TTC39B: variants seen among roughly 807,000 people sequenced by gnomAD.
The protein encoded by TTC39B is tetratricopeptide repeat domain 39B, also known as tetratricopeptide repeat protein 39B.
In TTC39B, 92 loss-of-function variants were observed where a neutral mutation model predicts 96.6. The observed-to-expected ratio is 0.95, with a 90% CI of 0.80 to 1.13. TTC39B has a LOEUF of 1.13. Among genes scored for constraint, TTC39B ranks in the 50% most tolerant of loss-of-function variants. TTC39B has a pLI of 0.00. For synonymous variants in TTC39B, 367 were observed against 299.4 expected, an observed-to-expected ratio of 1.23 and a Z score of -2.33; for missense variants, 955 against 809.3, an observed-to-expected ratio of 1.18 and a Z score of -2.18.
chr9:15,287,703 C>A (rs568957845), intron 1 of TTC39B, among the ~76,000 whole-genome samples: 4 of 152,122 alleles, frequency 2.6e-5, no homozygotes, highest in African/African-American at 9.6e-5. Flanking sequence ...AAAAATGATT[C>A]TTTCTGGCTG....
intron 2 of TTC39B, among the ~76,000 whole-genome samples, chr9:15,235,864 G>C (rs748925840): frequency 6.6e-6 from 1 of 152,102 alleles, no homozygotes; most frequent in Non-Finnish European, 1.5e-5. Context: ...AAAAGAACAC[G>C]TAAGTGCAAA....
chr9:15,217,662 T>C (rs1277952210), intron 3 of TTC39B, among the ~76,000 whole-genome samples: 1 of 152,166 alleles, frequency 6.6e-6, no homozygotes, highest in African/African-American at 2.4e-5. Flanking sequence ...TCACTTCAGA[T>C]CTGAATTCTG....
intron 1 of TTC39B, among the ~76,000 whole-genome samples, chr9:15,270,752 A>T (rs202139719): frequency 3.4e-5 from 1 of 29,520 alleles, no homozygotes; most frequent in Non-Finnish European, 7.3e-5. Flanking sequence ...TTTTTTATTT[A>T]AAAAAAAAAA....
intron 2 of TTC39B, among the ~76,000 whole-genome samples, chr9:15,241,294 TAA>T (rs544903456): frequency 7.0e-6 from 1 of 142,418 alleles, no homozygotes; most frequent in African/African-American, 2.6e-5. Flanking sequence ...AATGCAAGGT[TAA>T]AAAAAAAAAA....
intron 1 of TTC39B, among the ~76,000 whole-genome samples, chr9:15,288,152 T>C (rs1410638189): frequency 1.3e-5 from 2 of 152,120 alleles, no homozygotes; most frequent in Admixed American, 6.5e-5. Context: ...CAATGTTTTC[T>C]ATCAAAGTTG....
intron 8 of TTC39B, among the ~76,000 whole-genome samples, chr9:15,196,939 T>A: frequency 6.6e-6 from 1 of 152,328 alleles, no homozygotes; most frequent in African/African-American, 2.4e-5. Context: ...CCACCCTGAA[T>A]GTCAGCAGCC....
chr9:15,186,134 G>A (rs968453800), intron 15 of TTC39B, among the ~76,000 whole-genome samples: 2 of 152,094 alleles, frequency 1.3e-5, no homozygotes, highest in African/African-American at 4.8e-5. Context: ...AAGAATTCAA[G>A]GCAATACTCA....
At chr9:15,288,813 T>C (rs925789345) in intron 1 of TTC39B, among the ~76,000 whole-genome samples, 9 of 152,246 alleles carry the variant, frequency 5.9e-5, no homozygotes, top group Admixed American at 2.0e-4. Flanking sequence ...CCAGGGGCAC[T>C]TGCCCCAGCT....
chr9:15,193,625 T>C (rs187141624), intron 8 of TTC39B, among the ~76,000 whole-genome samples: 76 of 152,344 alleles, frequency 5.0e-4, no homozygotes, highest in African/African-American at 1.8e-3. Context: ...GTCATTTATT[T>C]TTTATTATGG....
Position 15,225,461 on chromosome 9 carries a change from G to T in TTC39B, c.371+456C>A, listed in dbSNP as rs891978924. ...AAATAATCATAATATAATATTTGAC[G>T]AAAAAATCTATTATGGTTACAACTG... is the stretch of plus-strand genomic sequence containing the variant. On this transcript the variant is annotated intron_variant, in intron 3 of 19. Coordinates refer to ENST00000512701, the Ensembl canonical transcript of TTC39B. Among the ~76,000 whole-genome samples the T allele has an allele frequency of 7.9e-5, 12 of 152,008 alleles. No homozygotes were observed. The East Asian group carries it at 2.3e-3, about 29-fold the overall frequency.
chr9:15,188,083 T>C (rs1354345952), exon 14 of TTC39B: 5 of 1,610,400 alleles, frequency 3.1e-6, no homozygotes, highest in East Asian at 2.2e-5. Flanking sequence ...ATGGTGAAAC[T>C]GTTTCCATTC....
At chr9:15,177,116 TA>T (rs1230540708) in intron 18 of TTC39B, among the ~76,000 whole-genome samples, 2 of 152,202 alleles carry the variant, frequency 1.3e-5, no homozygotes, top group Non-Finnish European at 2.9e-5. Flanking sequence ...CTCTGGCATA[TA>T]GTGGGTGCTC....
exon 20 of TTC39B, chr9:15,166,982 T>TTTTTATATA (rs1387664027): frequency 1.5e-4 from 3 of 20,280 alleles, no homozygotes; most frequent in African/African-American, 1.8e-4. Context: ...AACCTTTATT[T>TTTTTATATA]TATATATATA....
intron 2 of TTC39B, among the ~76,000 whole-genome samples, chr9:15,229,385 C>T (rs572857556): frequency 6.6e-6 from 1 of 152,188 alleles, no homozygotes; most frequent in Non-Finnish European, 1.5e-5. Context: ...GAGTATATAT[C>T]TTGTTTGGCT....
At chr9:15,220,664 G>GT (rs995375916) in intron 3 of TTC39B, among the ~76,000 whole-genome samples, 37 of 150,014 alleles carry the variant, frequency 2.5e-4, no homozygotes, top group Admixed American at 6.7e-4. Flanking sequence ...GGGAAGCAGA[G>GT]TTTTTTTTTT....
At chr9:15,196,371 G>A (rs1357952332) in intron 8 of TTC39B, among the ~76,000 whole-genome samples, 1 of 152,198 alleles carries the variant, frequency 6.6e-6, no homozygotes, top group African/African-American at 2.4e-5. Flanking sequence ...TTCTGGAAAG[G>A]ATTCATCATT....
chr9:15,274,670 G>T (rs1823474883), intron 1 of TTC39B, among the ~76,000 whole-genome samples: 2 of 152,078 alleles, frequency 1.3e-5, no homozygotes, highest in Non-Finnish European at 2.9e-5. Context: ...GTTGGTCCTT[G>T]CAGGGAACAA....
Position 15,199,455 on chromosome 9 carries a change from G to A in TTC39B, c.824+406C>T, listed in dbSNP as rs576514147. On this transcript the variant is annotated intron_variant, in intron 8 of 19. Transcript: ENST00000512701. ...ACACCAAATAAAAAATCCTAGTCAG[G>A]CCAGGCGCGGTGGCTCACGCGTGTA... is the stretch of plus-strand genomic sequence containing the variant. Among the ~76,000 whole-genome samples the A allele has an allele frequency of 3.9e-5, 6 of 151,986 alleles. No homozygotes were observed. The East Asian group carries it at 1.2e-3, about 29-fold the overall frequency.
exon 20 of TTC39B, chr9:15,169,612 G>A (rs1817590951): frequency 6.6e-6 from 1 of 152,120 alleles, no homozygotes; most frequent in South Asian, 2.1e-4. Flanking sequence ...ATTAGCTGAT[G>A]CCCAAGAAGT....
Sources: allele counts gnomAD v4.1 joint callset (sites outside exome capture counted in the v4.1 genomes callset), GRCh38; gene constraint gnomAD v4.1.1; transcripts MANE v1.5; gene names NCBI Gene and HGNC (gene_info 2026-07-23, HGNC 2026-07-21).